Variants in ZNF276 observed in about 807,000 individuals in gnomAD.
The protein encoded by ZNF276 is centromere protein Z.
ZNF276 carries 59 observed loss-of-function variants against 63.9 expected under a neutral mutation model. That is an observed-to-expected ratio of 0.92 (90% CI 0.75 to 1.15). ZNF276 has a LOEUF of 1.15. Among genes scored for constraint, ZNF276 ranks in the 50% most tolerant of loss-of-function variants. The probability of loss-of-function intolerance (pLI) is 0.00; values close to 1 mark genes in which losing one functional copy is unlikely to be tolerated. For missense variants in ZNF276, 1,084 were observed against 843.8 expected (o/e 1.28, Z -3.53); for synonymous variants, 496 against 348.4 (o/e 1.42, Z -4.72).
At chr16:89,725,923 A>G (rs2061455733) in intron 4 of ZNF276, among the ~76,000 whole-genome samples, 2 of 152,208 alleles carry the variant, frequency 1.3e-5, no homozygotes, top group African/African-American at 4.8e-5. Context: ...CTGAGATTAT[A>G]AGCATGAACC....
rs2061334012 is a variant in ZNF276, at chr16:89,722,645, C to T, written c.320C>T (p.Ser107Phe). 1.2e-6 allele frequency: 2 copies of T among 1,612,190 alleles called. No homozygotes were observed. The highest frequency in any genetic ancestry group is 2.2e-5 in the East Asian group (1 of 44,880). The part of the protein sequence containing the change: ...RAPGASMERP[S>F]AEERVLVRDF... ...CCTGGAGCGAGCATGGAGAGGCCAT[C>T]CGCAGAGGAGCGCGTGCTCGTACGG... Residue 107 changes from serine (S) to phenylalanine (F), a missense_variant, in exon 2 of 11, where the codon TCC becomes TTC. Coordinates refer to ENST00000443381, the MANE Select transcript of ZNF276 (RefSeq NM_001113525.2).
intron 4 of ZNF276, 27 bp downstream of exon 4, chr16:89,723,736 G>C: frequency 1.3e-6 from 2 of 1,593,316 alleles, no homozygotes; most frequent in Non-Finnish European, 1.7e-6. Flanking sequence ...GCTGGTGCTA[G>C]ACCAGGATGT....
intron 9 of ZNF276, chr16:89,737,596 C>A (rs1292094241): frequency 4.2e-5 from 36 of 861,808 alleles, no homozygotes; most frequent in Non-Finnish European, 5.4e-5. Flanking sequence ...TCCTGAAATG[C>A]ACACAGCTGA....
intron 4 of ZNF276, among the ~76,000 whole-genome samples, chr16:89,726,393 C>T (rs1159702798): frequency 1.3e-5 from 2 of 152,060 alleles, no homozygotes; most frequent in African/African-American, 2.4e-5. Flanking sequence ...AATGGGGTTT[C>T]TCCATGTTGG....
upstream of ZNF276, chr16:89,721,441 T>TG: frequency 2.2e-6 from 1 of 458,946 alleles, no homozygotes; most frequent in East Asian, 3.8e-5. Context: ...GCGGGGGCGC[T>TG]GGCACCGCGG....
chr16:89,727,241 C>T (rs371776914), intron 4 of ZNF276, 38 bp from the exon 5 acceptor site: 1 of 1,602,888 alleles, frequency 6.2e-7, no homozygotes, highest in Non-Finnish European at 8.5e-7. Context: ...TTTCTGTGCT[C>T]CGTGTTGGTA....
At chr16:89,733,230 G>A (rs1187501522) in intron 6 of ZNF276, 72 bp from the exon 7 acceptor site, 4 of 1,379,980 alleles carry the variant, frequency 2.9e-6, no homozygotes, top group Non-Finnish European at 4.1e-6. Context: ...CCATTTCTCA[G>A]GTTGGAGAGA....
intron 9 of ZNF276, among the ~76,000 whole-genome samples, chr16:89,734,412 G>C (rs1201750871): frequency 6.6e-6 from 1 of 152,070 alleles, no homozygotes; most frequent in Non-Finnish European, 1.5e-5. Flanking sequence ...CACAACCTCT[G>C]CCTCCCAGGT....
chr16:89,729,667 C>T (rs994984188), intron 6 of ZNF276, among the ~76,000 whole-genome samples: 21 of 152,154 alleles, frequency 1.4e-4, no homozygotes, highest in African/African-American at 5.1e-4. Flanking sequence ...TGGGTTCACA[C>T]CCCAGTGTAC....
At chr16:89,722,952 C>T in intron 2 of ZNF276, 118 bp downstream of exon 2, 1 of 1,555,758 alleles carries the variant, frequency 6.4e-7, no homozygotes, top group Non-Finnish European at 8.7e-7. Flanking sequence ...ATGGGCCATG[C>T]CCGGGTTCAG....
rs756053307 is a variant in ZNF276 at position 89,727,364 on chromosome 16, GAA to G, written c.1085+8_1085+9del. On this transcript the variant is annotated splice_region_variant and intron_variant, in intron 5 of 10. Coordinates refer to ENST00000443381, the MANE Select transcript of ZNF276 (RefSeq NM_001113525.2). ...TCAGTGACCTTTCTGAGGGGTGAGA[GAA>G]GAGTGGGTTTAAACAGCCTAAAATT... is the stretch of plus-strand genomic sequence containing the variant. 1.2e-6 allele frequency: 2 copies of G among 1,613,698 alleles called. No homozygotes were observed. Among genetic ancestry groups the G allele is most frequent in the African/African-American group, 1.3e-5 (1 of 74,920 alleles).
rs2061738319 is a variant in ZNF276, at chr16:89,733,348, G to A, written c.1216G>A (p.Glu406Lys). 1.2e-6 allele frequency: 2 copies of A among 1,614,166 alleles called. No individual in the cohort carries two copies. Among genetic ancestry groups the A allele is most frequent in the South Asian group, 1.1e-5 (1 of 91,084 alleles). ...AAGCAAAGAAGCCAAGAAGTCTGAA[G>A]AACCAAGAATTCGGAAGAAGCCGGG... Reference protein sequence around the residue: ...SESKEAKKSEEPRIRKKPGPK... With the variant: ...SESKEAKKSEKPRIRKKPGPK... Residue 406 changes from glutamate (E) to lysine (K), a missense_variant, in exon 7 of 11, where the codon GAA (glutamate) becomes AAA (lysine). Glu to Lys is a moderately conservative substitution (Grantham distance 56). Coordinates refer to ENST00000443381, the MANE Select transcript of ZNF276 (RefSeq NM_001113525.2).
Position 89,738,439 on chromosome 16 carries a change from G to T in ZNF276, c.*193G>T. On this transcript the variant is annotated 3_prime_UTR_variant, in exon 11 of 11. Coordinates refer to ENST00000443381, the MANE Select transcript of ZNF276 (RefSeq NM_001113525.2). ...AGTGGTTTATTTTCCCGCAAACGCT[G>T]AGTGACTCGGGGCCGGACAGTTCAT... 1 of 1,382,886 alleles carries T rather than the reference G, an allele frequency of 7.2e-7. No homozygotes were observed. Among genetic ancestry groups the T allele is most frequent in the Non-Finnish European group, 9.9e-7 (1 of 1,011,340 alleles). 85.7% of individuals were successfully genotyped at this position (1,382,886 alleles called of 1,614,324 possible).
In ZNF276 at chr16:89,734,049, C is replaced by T. The variant is rs370809914; in HGVS notation, c.1474+11C>T. On this transcript the variant is annotated intron_variant, in intron 9 of 10. Transcript: ENST00000443381. ...AGCTCATCCACACAGGTACGCCTAT[C>T]GCCAGTGTCGCCCACGCGGGTGACA... 4.2e-5 allele frequency: 67 copies of T among 1,611,514 alleles called. No individual in the cohort carries two copies. Among genetic ancestry groups the T allele is most frequent in the African/African-American group, 1.2e-4 (9 of 75,020 alleles).
At position 89,739,838 on chromosome 16, in the gene ZNF276, C is replaced by T. The variant is rs998766911; in HGVS notation, c.*1592C>T. On this transcript the variant is annotated 3_prime_UTR_variant, in exon 11 of 11. Transcript: ENST00000443381. ...AGTGAGCCAGTAAATTATCTTATTG[C>T]TTTAAACAAGTTTGTGCTTAATCTG... 2 of 1,494,630 alleles carry T rather than the reference C, an allele frequency of 1.3e-6. No individual in the cohort carries two copies. The highest frequency in any genetic ancestry group is 1.8e-6 in the Non-Finnish European group (2 of 1,125,404). 92.6% of individuals were successfully genotyped at this position (1,494,630 alleles called of 1,614,324 possible).
rs375934734 is a variant in ZNF276, at chr16:89,733,548, C to G, written c.1347C>G (p.Asp449Glu). Reference sequence around the variant, plus strand: ...GCACGGCCGTGTACCGAGGCGCTGACGGCATGAAGGTGAGCACTGGCTGTG... The same window carrying G: ...GCACGGCCGTGTACCGAGGCGCTGAGGGCATGAAGGTGAGCACTGGCTGTG... ...QGCTAVYRGA[D>E]GMKKHIKEHH... is the part of the protein sequence containing the mutation. The change falls in exon 8 of 11, where the codon GAC becomes GAG. Residue 449 changes from aspartate (D) to glutamate (E), a missense_variant. Transcript: ENST00000443381. The G allele has an allele frequency of 5.6e-6, 9 of 1,613,884 alleles. No individual in the cohort carries two copies. The highest frequency in any genetic ancestry group is 1.3e-5 in the African/African-American group (1 of 74,932).
Position 89,738,027 on chromosome 16 carries a change from C to A in ZNF276, c.1626C>A (p.His542Gln). The change falls in exon 11 of 11, where the codon CAC becomes CAA. Residue 542 changes from histidine to glutamine, a missense_variant. Physicochemically the swap from His to Gln is conservative, Grantham distance 24 (BLOSUM62 0). Coordinates refer to ENST00000443381, the MANE Select transcript of ZNF276 (RefSeq NM_001113525.2). ...QCRQRASLKY[H>Q]MTKHKAETEL... is the part of the protein sequence containing the mutation. ...GGCAGCGGGCATCCCTCAAGTACCA[C>A]ATGACCAAACACAAGGCTGAGACTG... 1.9e-6 allele frequency: 3 copies of A among 1,614,178 alleles called. No homozygotes were observed. The highest frequency in any genetic ancestry group is 2.5e-6 in the Non-Finnish European group (3 of 1,180,056).
At position 89,739,914 on chromosome 16, in the gene ZNF276, G is replaced by A; in HGVS notation, c.*1668G>A. ...CTTACTTAGCAAGGAACCTCAAGGAGGGCTCGTTCTTAACCATTTGCAAGA... is the reference window on the plus strand; with the variant it reads ...CTTACTTAGCAAGGAACCTCAAGGAAGGCTCGTTCTTAACCATTTGCAAGA... On this transcript the variant is annotated 3_prime_UTR_variant, in exon 11 of 11. Transcript: ENST00000443381. The A allele has an allele frequency of 6.3e-7, 1 of 1,593,582 alleles. No individual in the cohort carries two copies.
rs1387444543 is a variant in ZNF276 at position 89,721,631 on chromosome 16, C to T, written c.-10C>T. The T allele has an allele frequency of 4.1e-6, 6 of 1,472,972 alleles. No individual in the cohort carries two copies. Among genetic ancestry groups the T allele is most frequent in the Non-Finnish European group, 5.4e-6 (6 of 1,117,692 alleles). 91.2% of individuals were successfully genotyped at this position (1,472,972 alleles called of 1,614,324 possible). ...GCACCCGCGGGATTCTGCTGGCGTC[C>T]TCCGCTGCCATGAAGCGGGACCGGC... On this transcript the variant is annotated 5_prime_UTR_variant, in exon 1 of 11. Transcript: ENST00000443381.
Sources: allele counts gnomAD v4.1 joint callset (sites outside exome capture counted in the v4.1 genomes callset), GRCh38; gene constraint gnomAD v4.1.1; transcripts MANE v1.5; gene names NCBI Gene and HGNC (gene_info 2026-07-23, HGNC 2026-07-21).